Variants in RB1CC1 observed in about 807,000 individuals in gnomAD.
RB1CC1 encodes RB1 inducible coiled-coil 1.
Under a neutral mutation model 177.5 loss-of-function variants are expected in RB1CC1, and 46 were observed. That is an observed-to-expected ratio of 0.26 (90% CI 0.20 to 0.33). The LOEUF is 0.33. Ranked by LOEUF, RB1CC1 falls within the 10% of genes least tolerant of loss-of-function variation. The pLI is 1.00. For synonymous variants in RB1CC1, 666 were observed against 613.6 expected (o/e 1.09, Z -1.26); for missense variants, 1,703 against 1,816.3 (o/e 0.94, Z 1.13).
At chr8:52,633,277 G>A (rs529220966) in intron 20 of RB1CC1, among the ~76,000 whole-genome samples, 3 of 152,112 alleles carry the variant, frequency 2.0e-5, no homozygotes, top group Non-Finnish European at 4.4e-5. Flanking sequence ...ATACTTTTGG[G>A]TTCACAATTA....
chr8:52,641,078 G>A lies in RB1CC1; in HGVS notation c.4337+1273C>T, dbSNP rs540263636. Among the ~76,000 whole-genome samples, 44 of 152,030 alleles carry A rather than the reference G, an allele frequency of 2.9e-4. 1 individual carries two copies. Among genetic ancestry groups the A allele is most frequent in the Admixed American group, 5.9e-4 (9 of 15,250 alleles). ...CTTACTGTGTACCACACCTTCTCAC[G>A]GGTGCTCATTAAATTTAATGCCTGG... On this transcript the variant is annotated intron_variant, in intron 18 of 23. Transcript: ENST00000025008.
At chr8:52,684,039 C>T in intron 3 of RB1CC1, 26 bp from the exon 4 acceptor site, 3 of 1,599,040 alleles carry the variant, frequency 1.9e-6, no homozygotes, top group Non-Finnish European at 2.6e-6. Flanking sequence ...TAAAATAAAT[C>T]AGTTGTTTAT....
At chr8:52,634,418 C>T (rs996108889) in intron 20 of RB1CC1, among the ~76,000 whole-genome samples, 3 of 151,688 alleles carry the variant, frequency 2.0e-5, no homozygotes, top group African/African-American at 4.8e-5. Flanking sequence ...CCCAGCTACT[C>T]GGGAGGCTAA....
intron 21 of RB1CC1, among the ~76,000 whole-genome samples, chr8:52,628,650 C>CT (rs796291682): frequency 3.9e-5 from 6 of 152,220 alleles, no homozygotes; most frequent in African/African-American, 1.4e-4. Context: ...TTAATTAGGT[C>CT]TAAACAAGTC....
In RB1CC1 at chr8:52,674,186, C is replaced by T. The variant is rs77653001; in HGVS notation, c.661G>A (p.Asp221Asn). 3.7e-3 allele frequency: 5,894 copies of T among 1,612,720 alleles called. 217 individuals carry two copies. In the Admixed American group the frequency reaches 0.075, roughly 20 times the overall value. Residue 221 changes from aspartate (D) to asparagine (N), a missense_variant, in exon 7 of 24, where the codon GAT (aspartate) becomes AAT (asparagine). Physicochemically the swap from Asp to Asn is conservative, Grantham distance 23. Transcript: ENST00000025008. ...HSYRECLGRL[D>N]SLPEHEDSEK... ...GAGTCTTCATGTTCAGGTAAAGAATCCAGTCTTCCCAAACATTCTCTGTAA... is the reference window on the plus strand; with the variant it reads ...GAGTCTTCATGTTCAGGTAAAGAATTCAGTCTTCCCAAACATTCTCTGTAA...
intron 8 of RB1CC1, among the ~76,000 whole-genome samples, chr8:52,663,723 G>A (rs904491590): frequency 6.6e-6 from 1 of 152,084 alleles, no homozygotes; most frequent in African/African-American, 2.4e-5. Flanking sequence ...TAACTGATGA[G>A]ACATCTGTAA....
intron 18 of RB1CC1, among the ~76,000 whole-genome samples, chr8:52,639,811 G>T (rs1006256469): frequency 3.3e-5 from 5 of 152,064 alleles, no homozygotes; most frequent in African/African-American, 9.7e-5. Flanking sequence ...ATACTCCACT[G>T]GGTCATGATG....
intron 21 of RB1CC1, among the ~76,000 whole-genome samples, chr8:52,629,081 C>T (rs780046318): frequency 1.3e-4 from 20 of 152,040 alleles, no homozygotes; most frequent in South Asian, 6.2e-4. Context: ...CATTAATGAA[C>T]GGCCCATTGA....
intron 1 of RB1CC1, among the ~76,000 whole-genome samples, chr8:52,701,153 G>A (rs1333166272): frequency 6.7e-6 from 1 of 149,346 alleles, no homozygotes; most frequent in African/African-American, 2.5e-5. Flanking sequence ...ATGGAATTTT[G>A]CTCTTGTTGC....
At chr8:52,627,600 G>C (rs1201010963) in intron 22 of RB1CC1, among the ~76,000 whole-genome samples, 2 of 152,044 alleles carry the variant, frequency 1.3e-5, no homozygotes, top group Non-Finnish European at 2.9e-5. Flanking sequence ...TAAGTGTATA[G>C]AACAGTATAA....
chr8:52,644,755 AT>A (rs1272102778), intron 16 of RB1CC1, among the ~76,000 whole-genome samples: 1 of 152,016 alleles, frequency 6.6e-6, no homozygotes, highest in African/African-American at 2.4e-5. Context: ...CTGTTCTCTG[AT>A]TTACATTTTT....
chr8:52,626,231 GA>G (rs1179919823), intron 22 of RB1CC1, among the ~76,000 whole-genome samples: 4 of 151,828 alleles, frequency 2.6e-5, no homozygotes, highest in African/African-American at 9.7e-5. Flanking sequence ...TTCCTCAAAG[GA>G]AAAAAGGAAC....
intron 12 of RB1CC1, among the ~76,000 whole-genome samples, chr8:52,660,115 GT>G (rs1851478963): frequency 6.6e-6 from 1 of 152,172 alleles, no homozygotes; most frequent in South Asian, 2.1e-4. Context: ...GATAACAATG[GT>G]TTAGAAACAT....
At chr8:52,690,590 A>G (rs1318046659) in intron 1 of RB1CC1, among the ~76,000 whole-genome samples, 2 of 152,224 alleles carry the variant, frequency 1.3e-5, no homozygotes, top group African/African-American at 2.4e-5. Context: ...AGAGGCCTGA[A>G]CTGAGAAGAT....
At chr8:52,683,799 A>C in intron 4 of RB1CC1, 80 bp from the exon 5 acceptor site, 1 of 1,570,040 alleles carries the variant, frequency 6.4e-7, no homozygotes, top group Non-Finnish European at 8.6e-7. Flanking sequence ...CAATATATGA[A>C]GCAAATAAAC....
At chr8:52,710,073 G>A (rs1275843533) in intron 1 of RB1CC1, among the ~76,000 whole-genome samples, 2 of 152,156 alleles carry the variant, frequency 1.3e-5, no homozygotes, top group East Asian at 1.9e-4. Flanking sequence ...GAGGGGTCAC[G>A]GGCTACTGCA....
chr8:52,664,201 C>T (rs1173044978), intron 8 of RB1CC1, among the ~76,000 whole-genome samples: 2 of 152,164 alleles, frequency 1.3e-5, no homozygotes, highest in Non-Finnish European at 2.9e-5. Context: ...AATGAGCTCA[C>T]TGAAAATAAT....
chr8:52,642,643 T>G (rs373831954), intron 17 of RB1CC1, 52 bp from the exon 18 acceptor site: 1 of 1,594,954 alleles, frequency 6.3e-7, no homozygotes, highest in Non-Finnish European at 8.5e-7. Flanking sequence ...AAAACCACTT[T>G]GCATGAATGT....
chr8:52,670,251 T>A (rs1036554129), intron 7 of RB1CC1, among the ~76,000 whole-genome samples: 1 of 152,216 alleles, frequency 6.6e-6, no homozygotes, highest in African/African-American at 2.4e-5. Flanking sequence ...AAAATCTCAC[T>A]GCACTTAATA....
Sources: allele counts gnomAD v4.1 joint callset (sites outside exome capture counted in the v4.1 genomes callset), GRCh38; gene constraint gnomAD v4.1.1; transcripts MANE v1.5; gene names NCBI Gene and HGNC (gene_info 2026-07-23, HGNC 2026-07-21).